UNC13B: variants seen among roughly 807,000 people sequenced by gnomAD.
UNC13B encodes the protein unc-13 homolog B, also known as protein unc-13 homolog B.
In UNC13B, 144 loss-of-function variants were observed where a neutral mutation model predicts 211.0. The observed-to-expected ratio is 0.68, with a 90% CI of 0.60 to 0.78. UNC13B has a LOEUF of 0.78. Ranked by LOEUF, UNC13B falls within the 30% of genes least tolerant of loss-of-function variation. UNC13B has a pLI of 0.00. For synonymous variants in UNC13B, 709 were observed against 725.8 expected (o/e 0.98, Z 0.37); for missense variants, 1,777 against 2,002.0 (o/e 0.89, Z 2.14).
intron 20 of UNC13B, among the ~76,000 whole-genome samples, chr9:35,382,001 C>T (rs909749113): frequency 3.3e-5 from 5 of 152,152 alleles, no homozygotes; most frequent in African/African-American, 1.2e-4. Flanking sequence ...CCTGCCTAGA[C>T]ATCACAGGCC....
intron 1 of UNC13B, among the ~76,000 whole-genome samples, chr9:35,200,562 G>A (rs1456734904): frequency 2.0e-5 from 3 of 152,144 alleles, no homozygotes; most frequent in Non-Finnish European, 4.4e-5. Flanking sequence ...TCCCTTGTAA[G>A]TTGGATTCCT....
At position 35,231,160 on chromosome 9, in the gene UNC13B, G is replaced by T. The variant is rs1485032777; in HGVS notation, c.93G>T (p.Val31=). The T allele has an allele frequency of 2.5e-6, 4 of 1,613,282 alleles. No homozygotes were observed. The African/African-American group carries it at 5.3e-5, about 22-fold the overall frequency. ...NTYVTLKVQN[V]KSTTVAVRGD... is the part of the protein sequence containing the mutation. ...ATGTGACCCTGAAAGTACAGAATGTGAAGAGCACAACTGTAGCAGTTCGTG... is the reference window on the plus strand; with the variant it reads ...ATGTGACCCTGAAAGTACAGAATGTTAAGAGCACAACTGTAGCAGTTCGTG... The change falls in exon 3 of 40, where the codon GTG becomes GTT. Residue 31 remains valine (V), a synonymous_variant. Transcript: ENST00000635942.
chr9:35,310,370 C>A, intron 9 of UNC13B, 97 bp from the exon 10 acceptor site: 2 of 1,292,800 alleles, frequency 1.5e-6, no homozygotes, highest in Non-Finnish European at 1.1e-6. Flanking sequence ...TTGATTCTTG[C>A]TACTAATGTA....
chr9:35,188,527 A>G (rs1822485210), intron 1 of UNC13B, among the ~76,000 whole-genome samples: 1 of 152,206 alleles, frequency 6.6e-6, no homozygotes, highest in African/African-American at 2.4e-5. Context: ...TGGCAATCTT[A>G]TGTGACAAAA....
intron 6 of UNC13B, among the ~76,000 whole-genome samples, chr9:35,256,070 G>T (rs934975323): frequency 6.6e-6 from 1 of 152,140 alleles, no homozygotes; most frequent in African/African-American, 2.4e-5. Context: ...TTTTGCAAAG[G>T]CAGTTTTGTT....
At chr9:35,216,422 C>T (rs1482653141) in intron 1 of UNC13B, among the ~76,000 whole-genome samples, 1 of 152,174 alleles carries the variant, frequency 6.6e-6, no homozygotes, top group Non-Finnish European at 1.5e-5. Context: ...GTTCCCTGGA[C>T]TTGCTTGATT....
intron 1 of UNC13B, among the ~76,000 whole-genome samples, chr9:35,176,671 C>T (rs369484840): frequency 1.8e-4 from 28 of 152,004 alleles, no homozygotes; most frequent in African/African-American, 6.0e-4. Flanking sequence ...AGTAGGACTA[C>T]GGAGGAGTTA....
Position 35,304,140 on chromosome 9 carries a change from A to G in UNC13B, c.4736A>G (p.Asp1579Gly). ...QTNGLSSITL[D>G]DSIISACSFK... is the part of the protein sequence containing the mutation. ...AATGGTCTATCAAGTATTACGTTGG[A>G]TGACAGCATTATTTCTGCCTGTAGT... Residue 1579 changes from aspartate to glycine, a missense_variant, in exon 9 of 40, where the codon GAT (aspartate) becomes GGT (glycine). Asp to Gly is a moderately conservative substitution (Grantham distance 94). Coordinates refer to ENST00000635942, the MANE Select transcript of UNC13B (RefSeq NM_001371189.2). 1 of 398,828 alleles carries G rather than the reference A, an allele frequency of 2.5e-6. No homozygotes were observed. The highest frequency in any genetic ancestry group is 4.4e-6 in the Non-Finnish European group (1 of 225,886). The allele number at this position is 398,828 out of a possible 1,614,324, so 24.7% of individuals were successfully genotyped here.
chr9:35,261,204 C>G (rs1827252972), intron 7 of UNC13B, among the ~76,000 whole-genome samples: 1 of 152,120 alleles, frequency 6.6e-6, no homozygotes, highest in African/African-American at 2.4e-5. Context: ...TCTTATTTTT[C>G]TCTCATGTTT....
chr9:35,184,739 C>CGAAA (rs36190549), intron 1 of UNC13B, among the ~76,000 whole-genome samples: 40 of 94,538 alleles, frequency 4.2e-4, no homozygotes, highest in African/African-American at 1.2e-3. Context: ...GAGAGGGAGA[C>CGAAA]GAAAGAAAGA....
chr9:35,380,410 G>T, intron 17 of UNC13B, 60 bp from the exon 18 acceptor site: 1 of 1,567,840 alleles, frequency 6.4e-7, no homozygotes. Context: ...GGAATAGGAA[G>T]TAACAGGATT....
intron 7 of UNC13B, among the ~76,000 whole-genome samples, chr9:35,286,026 C>A (rs761710221): frequency 6.6e-6 from 1 of 151,984 alleles, no homozygotes; most frequent in Non-Finnish European, 1.5e-5. Context: ...ATGCCATTAC[C>A]ACTGGGGGCT....
At chr9:35,342,185 TG>T in intron 11 of UNC13B, 1 of 985,640 alleles carries the variant, frequency 1.0e-6, no homozygotes, top group Non-Finnish European at 1.2e-6. Flanking sequence ...AGTGGTGCTT[TG>T]GCTCAGAAAG....
chr9:35,206,552 G>A (rs1423657639), intron 1 of UNC13B, among the ~76,000 whole-genome samples: 2 of 152,058 alleles, frequency 1.3e-5, no homozygotes, highest in Non-Finnish European at 2.9e-5. Context: ...GTATCAGCAT[G>A]TCATTCTTTT....
chr9:35,284,648 A>G lies in UNC13B; in HGVS notation c.527-11048A>G, dbSNP rs187524695. On this transcript the variant is annotated intron_variant, in intron 7 of 39. Transcript: ENST00000635942. ...ATGTTAGATTTGAAGTGTTTTCCTT[A>G]ATTATAGGTTCTTTACTACTGTCTT... Among the ~76,000 whole-genome samples, 260 of 152,258 alleles carry G rather than the reference A, an allele frequency of 1.7e-3. 1 individual carries two copies. The highest frequency in any genetic ancestry group is 6.1e-3 in the African/African-American group (253 of 41,530).
chr9:35,358,099 T>C (rs12551585), intron 11 of UNC13B, among the ~76,000 whole-genome samples: 12,430 of 152,294 alleles, frequency 0.082, 666 homozygotes, highest in East Asian at 0.3. Flanking sequence ...TCAAGGTTCA[T>C]CTATGTTGTA....
At chr9:35,333,657 A>G (rs1831490395) in intron 11 of UNC13B, among the ~76,000 whole-genome samples, 3 of 152,182 alleles carry the variant, frequency 2.0e-5, no homozygotes, top group Non-Finnish European at 4.4e-5. Context: ...GATCAATCTC[A>G]GATATCATGC....
chr9:35,349,210 C>T (rs1832562266), intron 11 of UNC13B, among the ~76,000 whole-genome samples: 1 of 152,170 alleles, frequency 6.6e-6, no homozygotes, highest in Non-Finnish European at 1.5e-5. Flanking sequence ...GCCACCACGC[C>T]CAGCCGCAGT....
chr9:35,389,151 G>C (rs867446756), intron 24 of UNC13B, among the ~76,000 whole-genome samples: 6 of 152,116 alleles, frequency 3.9e-5, no homozygotes, highest in African/African-American at 1.4e-4. Flanking sequence ...CACCCTCCCT[G>C]TGGTGACTCC....
Sources: allele counts gnomAD v4.1 joint callset (sites outside exome capture counted in the v4.1 genomes callset), GRCh38; gene constraint gnomAD v4.1.1; transcripts MANE v1.5; gene names NCBI Gene and HGNC (gene_info 2026-07-23, HGNC 2026-07-21).